SZT2: variants seen among roughly 807,000 people sequenced by gnomAD.
The protein encoded by SZT2 is SZT2 subunit of KICSTOR complex, also known as KICSTOR complex protein SZT2.
Under a neutral mutation model 404.2 loss-of-function variants are expected in SZT2, and 216 were observed. That is an observed-to-expected ratio of 0.53 (90% CI 0.48 to 0.60). SZT2 has a LOEUF of 0.60. Among genes scored for constraint, SZT2 ranks in the 20% least tolerant of loss-of-function variants. The probability of loss-of-function intolerance (pLI) is 0.00; values close to 1 mark genes in which losing one functional copy is unlikely to be tolerated. For missense variants in SZT2, 3,857 were observed against 4,459.2 expected, an observed-to-expected ratio of 0.86 and a Z score of 3.85; for synonymous variants, 1,693 against 1,749.9, an observed-to-expected ratio of 0.97 and a Z score of 0.81.
rs1168212730 is a variant in SZT2 at position 43,428,319 on chromosome 1, A to G, written c.3999A>G (p.Leu1333=). ...CAGCGGTAGATGCCTGTGAGGAGCT[A>G]CTACAAGAAATAGACATCACCCCAT... is the stretch of plus-strand genomic sequence containing the variant. ...LLTAVDACEE[L]LQEIDITPFL... is the part of the protein sequence containing the mutation. Residue 1333 remains leucine (L), a synonymous_variant, in exon 28 of 72, where the codon CTA becomes CTG. Transcript: ENST00000634258. 6 of 1,614,028 alleles carry G rather than the reference A, an allele frequency of 3.7e-6. No homozygotes were observed. Among genetic ancestry groups the G allele is most frequent in the Non-Finnish European group, 5.1e-6 (6 of 1,180,032 alleles).
chr1:43,392,655 C>T (rs925901278), intron 1 of SZT2, among the ~76,000 whole-genome samples: 7 of 152,286 alleles, frequency 4.6e-5, no homozygotes, highest in Non-Finnish European at 7.4e-5. Flanking sequence ...CCTCGTGATC[C>T]GCCTGCCTCG....
intron 11 of SZT2, 129 bp downstream of exon 11, chr1:43,421,432 C>G (rs899726385): frequency 4.5e-6 from 6 of 1,319,042 alleles, no homozygotes; most frequent in Admixed American, 2.3e-5. Flanking sequence ...GAAGCCCAAG[C>G]TTTAACCTTG....
intron 2 of SZT2, 28 bp from the exon 3 acceptor site, chr1:43,403,568 ATCCTT>A (rs1337598886): frequency 6.2e-7 from 1 of 1,602,670 alleles, no homozygotes; most frequent in Non-Finnish European, 8.5e-7. Context: ...TACTTCGCTG[ATCCTT>A]TCCTTTTCTT....
Position 43,441,418 on chromosome 1 carries a change from G to C in SZT2, c.7511+38G>C. On this transcript the variant is annotated intron_variant, in intron 53 of 71. Coordinates refer to ENST00000634258, the MANE Select transcript of SZT2 (RefSeq NM_001365999.1). The surrounding 1 kb of genome is among the most constrained non-coding windows in gnomAD (Gnocchi z 4.8). ...TGGTGGTGTGCCCTGGGAGGGTATGGGTGTGAAGTCACAGATGGGCCTTGG... is the reference window on the plus strand; with the variant it reads ...TGGTGGTGTGCCCTGGGAGGGTATGCGTGTGAAGTCACAGATGGGCCTTGG... 2 of 1,611,942 alleles carry C rather than the reference G, an allele frequency of 1.2e-6. No homozygotes were observed. Among genetic ancestry groups the C allele is most frequent in the Non-Finnish European group, 1.7e-6 (2 of 1,178,610 alleles).
At chr1:43,422,951 C>T in intron 14 of SZT2, 68 bp downstream of exon 14, 1 of 1,503,918 alleles carries the variant, frequency 6.6e-7, no homozygotes, top group South Asian at 1.2e-5. Context: ...TCTCCCCAAA[C>T]CCCACAGGGC....
chr1:43,404,173 C>T (rs1650016183), intron 3 of SZT2: 2 of 569,688 alleles, frequency 3.5e-6, no homozygotes, highest in Admixed American at 3.1e-5. Flanking sequence ...GGCCACTGCG[C>T]TCTAGCGTGG....
intron 13 of SZT2, 33 bp from the exon 14 acceptor site, chr1:43,422,736 T>C: frequency 7.0e-7 from 1 of 1,424,422 alleles, no homozygotes; most frequent in African/African-American, 1.5e-5. Context: ...CCTGCCAACC[T>C]TGGGCTGCTC....
intron 42 of SZT2, chr1:43,435,559 AAGC>A (rs1490178308): frequency 2.3e-6 from 1 of 430,076 alleles, no homozygotes; most frequent in African/African-American, 2.0e-5. Flanking sequence ...TGGGAATAGA[AAGC>A]AGATGAAATG....
chr1:43,421,134 CAG>C lies in SZT2; in HGVS notation c.1497-37_1497-36del. 3 of 1,597,548 alleles carry C rather than the reference CAG, an allele frequency of 1.9e-6. 1 individual carries two copies. In the South Asian group the frequency reaches 3.3e-5, roughly 18 times the overall value. On this transcript the variant is annotated intron_variant, in intron 10 of 71. Coordinates refer to ENST00000634258, the MANE Select transcript of SZT2 (RefSeq NM_001365999.1). ...TAAGGCTCCCCTCATCTGCACCCAG[CAG>C]AGTCAGATATGGCTCAGGCCTGGCC...
At chr1:43,422,967 C>G in intron 14 of SZT2, 84 bp downstream of exon 14, 1 of 1,495,770 alleles carries the variant, frequency 6.7e-7, no homozygotes, top group Non-Finnish European at 9.0e-7. Flanking sequence ...AGGGCCAGGT[C>G]TAATAGAGGG....
Position 43,439,175 on chromosome 1 carries a change from C to T in SZT2, c.6792+82C>T. ...GCACTTACTCTTTCCTACCGATACC[C>T]CTATATGTACCTTTGCCCATGGACC... On this transcript the variant is annotated intron_variant, in intron 48 of 71. Transcript: ENST00000634258. This position sits in a 1 kb window ranked among gnomAD's most constrained non-coding sequence, Gnocchi z 4.2. 6.3e-7 allele frequency: 1 copy of T among 1,586,348 alleles called. No homozygotes were observed. The highest frequency in any genetic ancestry group is 8.6e-7 in the Non-Finnish European group (1 of 1,160,230).
At position 43,428,772 on chromosome 1, in the gene SZT2, T is replaced by A; in HGVS notation, c.4166+286T>A. 6 of 403,918 alleles carry A rather than the reference T, an allele frequency of 1.5e-5. No individual in the cohort carries two copies. The South Asian group carries it at 1.6e-4, about 11-fold the overall frequency. 25.0% of individuals were successfully genotyped at this position (403,918 alleles called of 1,614,324 possible). On this transcript the variant is annotated intron_variant, in intron 28 of 71. Coordinates refer to ENST00000634258, the MANE Select transcript of SZT2 (RefSeq NM_001365999.1). ...GGTGCTAACCGTGAACGTAGAGACT[T>A]GTTCTGAGGACATCCACACAATAGT...
intron 7 of SZT2, among the ~76,000 whole-genome samples, chr1:43,417,281 A>G (rs1651824070): frequency 6.6e-6 from 1 of 152,130 alleles, no homozygotes; most frequent in East Asian, 1.9e-4. Flanking sequence ...GGGTAAGAGG[A>G]TTGAGAAAAA....
At position 43,447,078 on chromosome 1, in the gene SZT2, C is replaced by T. The variant is rs768514895; in HGVS notation, c.9196C>T (p.Arg3066Trp). 7.4e-6 allele frequency: 12 copies of T among 1,613,786 alleles called. No individual in the cohort carries two copies. Among genetic ancestry groups the T allele is most frequent in the African/African-American group, 1.3e-5 (1 of 74,948 alleles). ...CGTGCTAGGTGCCCATCTGGTGCTG[C>T]GGCACGGCTACCACCTCACCACCTT... ...QHVLGAHLVL[R>W]HGYHLTTFLR... Residue 3066 changes from arginine (R) to tryptophan (W), a missense_variant, in exon 66 of 72, where the codon CGG (arginine) becomes TGG (tryptophan). By Grantham distance (101) the Arg-to-Trp change is moderately radical (BLOSUM62 -3). This residue lies in a region of SZT2 where 717 missense variants were observed against 868.2 expected (regional missense o/e 0.83). Transcript: ENST00000634258.
At chr1:43,433,307 A>C in intron 40 of SZT2, 117 bp downstream of exon 40, 2 of 1,081,112 alleles carry the variant, frequency 1.8e-6, no homozygotes, top group East Asian at 2.5e-5. Context: ...GCTTGGGTAG[A>C]GATCCAACTT....
chr1:43,418,908 A>G (rs1652009137), intron 7 of SZT2, among the ~76,000 whole-genome samples: 1 of 152,192 alleles, frequency 6.6e-6, no homozygotes, highest in African/African-American at 2.4e-5. Flanking sequence ...GGTTATGGCA[A>G]TTTGAAATTG....
rs1656504164 is a variant in SZT2 at position 43,452,128 on chromosome 1, G to A, written c.*1648G>A. Reference sequence around the variant, plus strand: ...CTGACCTAGGCTGGCAGCCTCACGTGCTGTCCCCACTGTGCACCCCCTTCT... The same window carrying A: ...CTGACCTAGGCTGGCAGCCTCACGTACTGTCCCCACTGTGCACCCCCTTCT... On this transcript the variant is annotated 3_prime_UTR_variant, in exon 72 of 72. Coordinates refer to ENST00000634258, the MANE Select transcript of SZT2 (RefSeq NM_001365999.1). 1 of 1,487,908 alleles carries A rather than the reference G, an allele frequency of 6.7e-7. No individual in the cohort carries two copies. Among genetic ancestry groups the A allele is most frequent in the African/African-American group, 1.4e-5 (1 of 72,450 alleles). 92.2% of individuals were successfully genotyped at this position (1,487,908 alleles called of 1,614,324 possible).
At chr1:43,393,227 C>G (rs536921896) in intron 1 of SZT2, among the ~76,000 whole-genome samples, 1 of 152,098 alleles carries the variant, frequency 6.6e-6, no homozygotes, top group East Asian at 1.9e-4. Flanking sequence ...GAGAAGGAGC[C>G]CAGTGGAGCC....
chr1:43,438,712 G>A lies in SZT2; in HGVS notation c.6522G>A (p.Thr2174=), dbSNP rs532946315. Residue 2174 remains threonine (T), a synonymous_variant, in exon 47 of 72, where the codon ACG becomes ACA. Transcript: ENST00000634258. ...HGVGQAGPEI[T]DELVRVLCRR... ...GGCTGTGTCAAGGTCCTGAGATCAC[G>A]GATGAGCTCGTGCGAGTTCTATGTC... 1.7e-5 allele frequency: 28 copies of A among 1,614,010 alleles called. No individual in the cohort carries two copies. The highest frequency in any genetic ancestry group is 1.6e-4 in the Middle Eastern group (1 of 6,062).
Sources: allele counts gnomAD v4.1 joint callset (sites outside exome capture counted in the v4.1 genomes callset), GRCh38; gene constraint gnomAD v4.1.1; regional missense constraint gnomAD v4.1.1; non-coding constraint Gnocchi (gnomAD v3.1); transcripts MANE v1.5; gene names NCBI Gene and HGNC (gene_info 2026-07-23, HGNC 2026-07-21).